The following WDFY4 variants were observed in gnomAD, a reference collection of about 807,000 sequenced individuals.
The protein encoded by WDFY4 is WDFY family member 4, also known as WD repeat- and FYVE domain-containing protein 4.
WDFY4 carries 169 observed loss-of-function variants against 351.9 expected under a neutral mutation model. The observed-to-expected ratio is 0.48, with a 90% CI of 0.42 to 0.55. The LOEUF (loss-of-function observed/expected upper bound fraction) is 0.55, where lower values mean the gene tolerates loss of function less well. Ranked by LOEUF, WDFY4 falls within the 20% of genes least tolerant of loss-of-function variation. The pLI is 0.00. For synonymous variants in WDFY4, 1,622 were observed against 1,574.6 expected (o/e 1.03, Z -0.71); for missense variants, 3,803 against 3,935.6 (o/e 0.97, Z 0.90).
At chr10:48,982,025 ACTTC>A (rs1323558469) in intron 61 of WDFY4, among the ~76,000 whole-genome samples, 1 of 152,052 alleles carries the variant, frequency 6.6e-6, no homozygotes, top group Non-Finnish European at 1.5e-5. Context: ...GCAGAGCCGG[ACTTC>A]CTTCCTCCCT....
intron 51 of WDFY4, among the ~76,000 whole-genome samples, chr10:48,949,732 T>C (rs1841228140): frequency 6.6e-6 from 1 of 152,156 alleles, no homozygotes; most frequent in South Asian, 2.1e-4. Flanking sequence ...GTCTCCATTC[T>C]GCTTTGAGCA....
intron 2 of WDFY4, among the ~76,000 whole-genome samples, chr10:48,719,268 A>C (rs1363275115): frequency 6.6e-6 from 1 of 152,246 alleles, no homozygotes; most frequent in African/African-American, 2.4e-5. Context: ...TAGGGTAAGA[A>C]TAGAAACAGG....
intron 39 of WDFY4, among the ~76,000 whole-genome samples, chr10:48,857,791 T>C (rs1239579832): frequency 1.3e-5 from 2 of 152,168 alleles, no homozygotes; most frequent in Non-Finnish European, 2.9e-5. Flanking sequence ...TTTTTACTTG[T>C]TGATTTTTTT....
intron 44 of WDFY4, among the ~76,000 whole-genome samples, chr10:48,893,256 C>A (rs577094149): frequency 1.3e-5 from 2 of 152,320 alleles, no homozygotes; most frequent in Admixed American, 6.5e-5. Flanking sequence ...ATAAGGACAC[C>A]AGTCAGGTTG....
intron 43 of WDFY4, among the ~76,000 whole-genome samples, chr10:48,885,567 T>G (rs774410608): frequency 6.6e-6 from 1 of 152,220 alleles, no homozygotes. Context: ...AAGTGACACA[T>G]GCAGGCAGGC....
intron 11 of WDFY4, among the ~76,000 whole-genome samples, chr10:48,737,480 T>G (rs903480711): frequency 2.0e-5 from 3 of 152,358 alleles, no homozygotes; most frequent in African/African-American, 7.2e-5. Flanking sequence ...TTCATCATAC[T>G]TACTTTATTT....
chr10:48,705,677 T>C (rs951894594), intron 1 of WDFY4, among the ~76,000 whole-genome samples: 27 of 152,208 alleles, frequency 1.8e-4, no homozygotes, highest in Non-Finnish European at 1.2e-4. Flanking sequence ...CCGCATTAGT[T>C]AGAAATCCTT....
chr10:48,819,653 A>G (rs1226618564), intron 32 of WDFY4, among the ~76,000 whole-genome samples: 1 of 152,164 alleles, frequency 6.6e-6, no homozygotes, highest in Non-Finnish European at 1.5e-5. Flanking sequence ...TTATAAATAT[A>G]AAACAAAATA....
intron 39 of WDFY4, among the ~76,000 whole-genome samples, chr10:48,856,730 T>G (rs903591664): frequency 6.6e-6 from 1 of 152,200 alleles, no homozygotes; most frequent in African/African-American, 2.4e-5. Flanking sequence ...AGCCATACAT[T>G]ATTTTGTAAC....
rs1028943206 is a variant in WDFY4, at chr10:48,723,586, T to C, written c.591+19T>C. On this transcript the variant is annotated intron_variant, in intron 5 of 61. Coordinates refer to ENST00000325239, the MANE Select transcript of WDFY4 (RefSeq NM_001394531.1). ...CGTGCAGGTGAGTTCAAGGAGGGCC[T>C]CCAATTCCCTGGGTCAAAACCTCAC... is the stretch of plus-strand genomic sequence containing the variant. 8.4e-6 allele frequency: 13 copies of C among 1,551,136 alleles called. No homozygotes were observed. The highest frequency in any genetic ancestry group is 7.9e-5 in the Admixed American group (4 of 50,942).
At chr10:48,934,882 C>T (rs1045359865) in intron 47 of WDFY4, among the ~76,000 whole-genome samples, 1 of 152,178 alleles carries the variant, frequency 6.6e-6, no homozygotes, top group Non-Finnish European at 1.5e-5. Context: ...CCCAAAGCAC[C>T]AATGACTTGC....
At chr10:48,720,977 G>A (rs111519717) in intron 3 of WDFY4, among the ~76,000 whole-genome samples, 3 of 152,174 alleles carry the variant, frequency 2.0e-5, no homozygotes, top group African/African-American at 7.2e-5. Context: ...GGATTGTGGG[G>A]AGTCTGATAG....
chr10:48,701,748 G>A (rs2063486174), intron 1 of WDFY4, among the ~76,000 whole-genome samples: 1 of 152,322 alleles, frequency 6.6e-6, no homozygotes, highest in East Asian at 1.9e-4. Flanking sequence ...GGAAGCTATG[G>A]AACCACTCTG....
At chr10:48,687,746 C>G (rs2063091064) in intron 1 of WDFY4, among the ~76,000 whole-genome samples, 1 of 149,810 alleles carries the variant, frequency 6.7e-6, no homozygotes, top group Non-Finnish European at 1.5e-5. Context: ...TCCCTAGTAG[C>G]TGAGATTACA....
intron 47 of WDFY4, among the ~76,000 whole-genome samples, chr10:48,935,986 T>C (rs1381759236): frequency 6.6e-6 from 1 of 152,142 alleles, no homozygotes; most frequent in Non-Finnish European, 1.5e-5. Context: ...AAAATTATTA[T>C]GCAGATGATA....
chr10:48,928,214 G>T (rs1564498151), intron 47 of WDFY4, among the ~76,000 whole-genome samples: 1 of 152,176 alleles, frequency 6.6e-6, no homozygotes. Context: ...CCAGCCCCCT[G>T]TTTACCTTCC....
intron 47 of WDFY4, chr10:48,910,374 G>T: frequency 1.1e-6 from 1 of 884,660 alleles, no homozygotes. Flanking sequence ...AGGATGGTCA[G>T]GTTAGTGTGA....
chr10:48,727,854 G>A (rs116989924), intron 7 of WDFY4, among the ~76,000 whole-genome samples, 195 bp downstream of exon 7: 1 of 152,322 alleles, frequency 6.6e-6, no homozygotes, highest in East Asian at 1.9e-4. Context: ...GTTTTACAAA[G>A]TGTACTTGTA....
At chr10:48,787,986 C>CCTTCTCCTTCTCCTTCTCCTTCTCCTT (rs2066542747) in intron 20 of WDFY4, among the ~76,000 whole-genome samples, 1 of 65,518 alleles carries the variant, frequency 1.5e-5, no homozygotes, top group Non-Finnish European at 3.0e-5. Flanking sequence ...TTCTTCTTCT[C>CCTTCTCCTTCTCCTTCTCCTTCTCCTT]CTTCTCCTTC....
Sources: allele counts gnomAD v4.1 joint callset (sites outside exome capture counted in the v4.1 genomes callset), GRCh38; gene constraint gnomAD v4.1.1; transcripts MANE v1.5; gene names NCBI Gene and HGNC (gene_info 2026-07-23, HGNC 2026-07-21).